Variants in SEMA3D observed in about 807,000 individuals in gnomAD.
SEMA3D encodes the protein semaphorin-3D.
A neutral mutation model predicts 100.1 loss-of-function variants in SEMA3D; 84 were observed. The ratio of observed to expected loss-of-function variants is 0.84; its 90% confidence interval spans 0.70 to 1.01. The LOEUF (loss-of-function observed/expected upper bound fraction) is 1.01, where lower values mean the gene tolerates loss of function less well. SEMA3D is among the 50% of genes least tolerant of loss of function. The pLI, the probability that SEMA3D is intolerant of heterozygous loss-of-function variation, is 0.00. For synonymous variants in SEMA3D, 312 were observed against 320.7 expected (o/e 0.97, Z 0.29); for missense variants, 875 against 934.1 (o/e 0.94, Z 0.82).
At chr7:85,052,296 A>C (rs1165258174) in intron 9 of SEMA3D, among the ~76,000 whole-genome samples, 1 of 151,910 alleles carries the variant, frequency 6.6e-6, no homozygotes, top group Non-Finnish European at 1.5e-5. Context: ...AACATTTTAT[A>C]ATCCCTCATT....
intron 5 of SEMA3D, 110 bp downstream of exon 5, chr7:85,081,407 G>GATAT (rs2116232777): frequency 1.5e-6 from 1 of 653,102 alleles, no homozygotes; most frequent in East Asian, 2.7e-5. Flanking sequence ...TGTTAGTTTA[G>GATAT]TCTGAAAAAT....
chr7:85,146,562 T>A (rs78737745), intron 2 of SEMA3D, among the ~76,000 whole-genome samples: 38,094 of 135,580 alleles, frequency 0.28, 5,048 homozygotes, highest in East Asian at 0.42. Context: ...TAAAAAAAAA[T>A]ATATATATAT....
the SEMA3D span, among the ~76,000 whole-genome samples, chr7:85,194,323 G>A: frequency 2.0e-5 from 3 of 152,154 alleles, no homozygotes; most frequent in African/African-American, 7.2e-5. Flanking sequence ...CATTAAGTAT[G>A]AAGTTAGCAC....
At chr7:85,131,502 A>T (rs1211267165) in intron 2 of SEMA3D, among the ~76,000 whole-genome samples, 2 of 152,078 alleles carry the variant, frequency 1.3e-5, no homozygotes, top group African/African-American at 4.8e-5. Flanking sequence ...CTTTAAAATC[A>T]AAGTAGAATA....
At chr7:85,192,881 CA>C in the SEMA3D span, among the ~76,000 whole-genome samples, 3 of 152,076 alleles carry the variant, frequency 2.0e-5, no homozygotes, top group East Asian at 5.8e-4. Flanking sequence ...TTGAGTTTGT[CA>C]AAAAGAAAGT....
Position 85,056,614 on chromosome 7 carries a change from TATATATATAGC to T in SEMA3D, c.719-766_719-756del, listed in dbSNP as rs1324054281. Among the ~76,000 whole-genome samples, 3 of 149,428 alleles carry T rather than the reference TATATATATAGC, an allele frequency of 2.0e-5. No individual in the cohort carries two copies. The South Asian group carries it at 6.7e-4, about 33-fold the overall frequency. On this transcript the variant is annotated intron_variant, in intron 8 of 18. Transcript: ENST00000284136. ...TATATATAGCATTTATATAACATTTTATATATATAGCATATATATAGCATTAAATTTCTTTA... is the reference window on the plus strand; with the variant it reads ...TATATATAGCATTTATATAACATTTTATATATATAGCATTAAATTTCTTTA...
intron 2 of SEMA3D, among the ~76,000 whole-genome samples, chr7:85,125,565 A>G (rs1324105091): frequency 6.6e-6 from 1 of 152,110 alleles, no homozygotes; most frequent in African/African-American, 2.4e-5. Flanking sequence ...TTGGAGGAAC[A>G]AAATAAAGTA....
the SEMA3D span, among the ~76,000 whole-genome samples, chr7:85,248,984 T>C: frequency 6.6e-6 from 1 of 151,996 alleles, no homozygotes; most frequent in Non-Finnish European, 1.5e-5. Context: ...GGACATTGGG[T>C]AAAAATAATC....
intron 18 of SEMA3D, among the ~76,000 whole-genome samples, chr7:85,005,870 G>A (rs1337575803): frequency 2.0e-5 from 3 of 151,956 alleles, no homozygotes; most frequent in African/African-American, 7.2e-5. Flanking sequence ...CCACTGTTAT[G>A]TACTAATGTT....
the SEMA3D span, among the ~76,000 whole-genome samples, chr7:85,242,851 T>C: frequency 6.6e-6 from 1 of 152,176 alleles, no homozygotes; most frequent in African/African-American, 2.4e-5. Context: ...ATTAAAAAAA[T>C]GAAACAAAAC....
intron 4 of SEMA3D, among the ~76,000 whole-genome samples, chr7:85,095,120 T>C (rs1025858153): frequency 6.6e-6 from 1 of 152,012 alleles, no homozygotes; most frequent in Non-Finnish European, 1.5e-5. Context: ...TTGTCAAATA[T>C]TTACTAATTA....
chr7:85,019,083 C>G (rs776827673), intron 14 of SEMA3D, among the ~76,000 whole-genome samples: 1 of 151,528 alleles, frequency 6.6e-6, no homozygotes, highest in African/African-American at 2.4e-5. Context: ...AAAACATGGC[C>G]AAACTTATCA....
rs547507884 is a variant in SEMA3D at position 85,087,036 on chromosome 7, T to C, written c.313-5457A>G. On this transcript the variant is annotated intron_variant, in intron 4 of 18. Transcript: ENST00000284136. ...TACTGCCTTTTGAATTTATCAGCAA[T>C]AAAATGCCACATAAATCTTCTTACA... Among the ~76,000 whole-genome samples the C allele has an allele frequency of 8.5e-5, 13 of 152,296 alleles. No homozygotes were observed. In the South Asian group the frequency reaches 2.7e-3, roughly 32 times the overall value.
At chr7:85,173,337 A>G (rs956185167) in intron 1 of SEMA3D, among the ~76,000 whole-genome samples, 1 of 152,130 alleles carries the variant, frequency 6.6e-6, no homozygotes, top group Non-Finnish European at 1.5e-5. Context: ...ATCAGCTTCT[A>G]TAACTGGCTG....
the SEMA3D span, among the ~76,000 whole-genome samples, chr7:85,222,114 A>G: frequency 6.6e-6 from 1 of 152,130 alleles, no homozygotes; most frequent in African/African-American, 2.4e-5. Flanking sequence ...TGCCCTAAAA[A>G]TTAGCAAAAC....
chr7:85,114,798 G>C (rs541581192), intron 3 of SEMA3D, among the ~76,000 whole-genome samples: 1 of 152,222 alleles, frequency 6.6e-6, no homozygotes, highest in African/African-American at 2.4e-5. Context: ...TGAAAATTTA[G>C]AGAAAGATAA....
intron 4 of SEMA3D, among the ~76,000 whole-genome samples, chr7:85,088,615 G>T (rs1294481160): frequency 1.3e-5 from 2 of 152,184 alleles, no homozygotes; most frequent in Non-Finnish European, 2.9e-5. Context: ...GGACAGGGAG[G>T]TGTTTTCCTG....
chr7:85,069,346 T>C (rs1314217730), intron 6 of SEMA3D, among the ~76,000 whole-genome samples: 1 of 152,156 alleles, frequency 6.6e-6, no homozygotes, highest in Non-Finnish European at 1.5e-5. Context: ...TAAACACTAA[T>C]AGCAATTTAA....
chr7:85,092,939 A>C (rs1788440518), intron 4 of SEMA3D, among the ~76,000 whole-genome samples: 1 of 152,098 alleles, frequency 6.6e-6, no homozygotes, highest in African/African-American at 2.4e-5. Flanking sequence ...TTTACTACAC[A>C]AGATGAAAAA....
Sources: allele counts gnomAD v4.1 joint callset (sites outside exome capture counted in the v4.1 genomes callset), GRCh38; gene constraint gnomAD v4.1.1; transcripts MANE v1.5; gene names NCBI Gene and HGNC (gene_info 2026-07-23, HGNC 2026-07-21).